The following KCNQ3 variants were observed in gnomAD, a reference collection of about 807,000 sequenced individuals.
KCNQ3 encodes the protein potassium voltage-gated channel subfamily KQT member 3.
A neutral mutation model predicts 92.5 loss-of-function variants in KCNQ3; 30 were observed. That is an observed-to-expected ratio of 0.32 (90% CI 0.24 to 0.44). The LOEUF (loss-of-function observed/expected upper bound fraction) is 0.44, where lower values mean the gene tolerates loss of function less well. KCNQ3 is among the 20% of genes least tolerant of loss of function. The pLI, the probability that KCNQ3 is intolerant of heterozygous loss-of-function variation, is 1.00. For synonymous variants in KCNQ3, 450 were observed against 468.8 expected (o/e 0.96, Z 0.52); for missense variants, 913 against 1,140.3 (o/e 0.80, Z 2.87).
intron 1 of KCNQ3, among the ~76,000 whole-genome samples, chr8:132,335,759 T>G (rs952047095): frequency 2.8e-4 from 43 of 152,334 alleles, no homozygotes; most frequent in African/African-American, 1.0e-3. Context: ...CTATGGGGTA[T>G]GCTGTCGGGG....
At chr8:132,433,027 A>T (rs1447123900) in intron 1 of KCNQ3, among the ~76,000 whole-genome samples, 1 of 152,234 alleles carries the variant, frequency 6.6e-6, no homozygotes, top group African/African-American at 2.4e-5. Flanking sequence ...AAGAATCCCC[A>T]TTCTGAGTTA....
chr8:132,186,149 G>A lies in KCNQ3; in HGVS notation c.419C>T (p.Ala140Val), dbSNP rs1826949065. 1 of 1,613,830 alleles carries A rather than the reference G, an allele frequency of 6.2e-7. No individual in the cohort carries two copies. Among genetic ancestry groups the A allele is most frequent in the East Asian group, 2.2e-5 (1 of 44,880 alleles). Reference sequence around the variant, plus strand: ...ATACTCCTTGAATGTGGTCAGGACAGCCAGAATCAAGCACCCCAGGACAAT... The same window carrying A: ...ATACTCCTTGAATGTGGTCAGGACAACCAGAATCAAGCACCCCAGGACAAT... The part of the protein sequence containing the change: ...FLIVLGCLIL[A>V]VLTTFKEYET... The change falls in exon 2 of 15, where the codon GCT (alanine) becomes GTT (valine). Residue 140 changes from alanine to valine, a missense_variant. Ala to Val is a moderately conservative substitution (Grantham distance 64). Around this residue, in one of 6 missense-constraint regions of KCNQ3, gnomAD observed 100 missense variants for 217.6 expected, o/e 0.46. Coordinates refer to ENST00000388996, the MANE Select transcript of KCNQ3 (RefSeq NM_004519.4).
chr8:132,163,476 T>C lies in KCNQ3; in HGVS notation c.1254A>G (p.Ala418=). Residue 418 remains alanine (A), a synonymous_variant, in exon 9 of 15, where the codon GCA becomes GCG. Transcript: ENST00000388996. ...CATAATCAGAAACTTACCTGGATGC[T>C]GCCTCCAGCTGTTCTTTCCTAGAAA... ...FPFFRKEQLE[A]ASSQKLGLLD... is the part of the protein sequence containing the mutation. 4 of 1,612,488 alleles carry C rather than the reference T, an allele frequency of 2.5e-6. No individual in the cohort carries two copies. Among genetic ancestry groups the C allele is most frequent in the Non-Finnish European group, 2.5e-6 (3 of 1,178,516 alleles).
At chr8:132,167,132 A>G (rs1253360954) in intron 8 of KCNQ3, among the ~76,000 whole-genome samples, 1 of 152,222 alleles carries the variant, frequency 6.6e-6, no homozygotes, top group Non-Finnish European at 1.5e-5. Flanking sequence ...AACACAAATG[A>G]AACTTGAAAA....
At chr8:132,415,071 T>C (rs1321727198) in intron 1 of KCNQ3, among the ~76,000 whole-genome samples, 1 of 152,154 alleles carries the variant, frequency 6.6e-6, no homozygotes, top group Non-Finnish European at 1.5e-5. Flanking sequence ...CAAGGGCAAT[T>C]AAAGGCCATC....
intron 1 of KCNQ3, among the ~76,000 whole-genome samples, chr8:132,258,034 G>C (rs1815652582): frequency 1.3e-5 from 2 of 151,934 alleles, no homozygotes; most frequent in African/African-American, 2.4e-5. Context: ...TCAAATTCAA[G>C]GGAGAAATAA....
chr8:132,448,379 TTTC>T (rs1821736076), intron 1 of KCNQ3, among the ~76,000 whole-genome samples: 1 of 143,314 alleles, frequency 7.0e-6, no homozygotes, highest in African/African-American at 2.7e-5. Flanking sequence ...TTAAGATGGG[TTTC>T]TGCTACCAGC....
chr8:132,234,677 G>A (rs1814754454), intron 1 of KCNQ3, among the ~76,000 whole-genome samples: 1 of 152,144 alleles, frequency 6.6e-6, no homozygotes, highest in African/African-American at 2.4e-5. Flanking sequence ...TTTTCAGATT[G>A]AGAAACTAAG....
chr8:132,203,075 G>C (rs534474753), intron 1 of KCNQ3, among the ~76,000 whole-genome samples: 2 of 152,134 alleles, frequency 1.3e-5, no homozygotes, highest in Non-Finnish European at 2.9e-5. Flanking sequence ...CCCATCCCAA[G>C]GTGAGAGGGA....
At chr8:132,331,646 C>A (rs1301207740) in intron 1 of KCNQ3, among the ~76,000 whole-genome samples, 1 of 152,130 alleles carries the variant, frequency 6.6e-6, no homozygotes, top group Non-Finnish European at 1.5e-5. Flanking sequence ...TATTGAGCAC[C>A]CACCGTACTG....
intron 1 of KCNQ3, among the ~76,000 whole-genome samples, chr8:132,408,382 C>T (rs1416130781): frequency 6.6e-6 from 1 of 152,090 alleles, no homozygotes; most frequent in African/African-American, 2.4e-5. Context: ...ACGCTCTGGT[C>T]TTCTAGGCAT....
intron 1 of KCNQ3, among the ~76,000 whole-genome samples, chr8:132,412,855 C>T (rs1331713038): frequency 6.6e-6 from 1 of 152,166 alleles, no homozygotes; most frequent in Non-Finnish European, 1.5e-5. Context: ...CCCAAACAAA[C>T]CTAGCACTTA....
chr8:132,453,883 C>A (rs148870817), intron 1 of KCNQ3, among the ~76,000 whole-genome samples: 6 of 152,278 alleles, frequency 3.9e-5, no homozygotes, highest in African/African-American at 1.4e-4. Flanking sequence ...CTGTGCAGTC[C>A]CCACGGAAGC....
rs552941955 is a variant in KCNQ3 at position 132,450,506 on chromosome 8, C to T, written c.386+29641G>A. ...TCCAGCTGGCTTCACCTCTCACCTC[C>T]GTACTGCCAACACCTTCCCCCTCCC... On this transcript the variant is annotated intron_variant, in intron 1 of 14. Coordinates refer to ENST00000388996, the MANE Select transcript of KCNQ3 (RefSeq NM_004519.4). 1.6e-4 allele frequency among the ~76,000 whole-genome samples: 25 copies of T among 152,330 alleles called. No homozygotes were observed. The East Asian group carries it at 3.1e-3, about 19-fold the overall frequency.
rs142402707 is a variant in KCNQ3 at position 132,194,769 on chromosome 8, G to A, written c.387-8588C>T. 1.3e-3 allele frequency among the ~76,000 whole-genome samples: 191 copies of A among 152,294 alleles called. 6 individuals carry two copies. In the East Asian group the frequency reaches 0.034, roughly 27 times the overall value. ...AAATTTGATTAGCTGGAAATTTCAG[G>A]AAACCTTAAGAAGGACCTATTATTC... On this transcript the variant is annotated intron_variant, in intron 1 of 14. Transcript: ENST00000388996.
intron 1 of KCNQ3, among the ~76,000 whole-genome samples, chr8:132,380,777 G>A (rs182646249): frequency 6.6e-6 from 1 of 152,068 alleles, no homozygotes; most frequent in East Asian, 1.9e-4. Context: ...TAGCCTGCCT[G>A]TATTAGGTGG....
In KCNQ3 at chr8:132,163,477, G is replaced by C; in HGVS notation, c.1253C>G (p.Ala418Gly). Residue 418 changes from alanine to glycine, a missense_variant, in exon 9 of 15, where the codon GCA becomes GGA. By Grantham distance (60) the Ala-to-Gly change is moderately conservative. Coordinates refer to ENST00000388996, the MANE Select transcript of KCNQ3 (RefSeq NM_004519.4). ...FPFFRKEQLE[A>G]ASSQKLGLLD... Reference sequence around the variant, plus strand: ...ATAATCAGAAACTTACCTGGATGCTGCCTCCAGCTGTTCTTTCCTAGAAAG... The same window carrying C: ...ATAATCAGAAACTTACCTGGATGCTCCCTCCAGCTGTTCTTTCCTAGAAAG... The C allele has an allele frequency of 6.2e-7, 1 of 1,612,220 alleles. No homozygotes were observed.
intron 9 of KCNQ3, among the ~76,000 whole-genome samples, chr8:132,144,851 C>T (rs1825405389): frequency 6.6e-6 from 1 of 152,206 alleles, no homozygotes; most frequent in African/African-American, 2.4e-5. Flanking sequence ...AGTCTAGTGG[C>T]TACTGAGATC....
At chr8:132,286,825 T>A (rs1167544379) in intron 1 of KCNQ3, among the ~76,000 whole-genome samples, 1 of 152,232 alleles carries the variant, frequency 6.6e-6, no homozygotes, top group Admixed American at 6.5e-5. Flanking sequence ...TTCATAAGAC[T>A]GGATTAGTTT....
Sources: allele counts gnomAD v4.1 joint callset (sites outside exome capture counted in the v4.1 genomes callset), GRCh38; gene constraint gnomAD v4.1.1; regional missense constraint gnomAD v4.1.1; transcripts MANE v1.5; gene names NCBI Gene and HGNC (gene_info 2026-07-23, HGNC 2026-07-21).